Variants in ADAMTS19 observed in about 807,000 individuals in gnomAD.
ADAMTS19 encodes A disintegrin and metalloproteinase with thrombospondin motifs 19.
ADAMTS19 carries 93 observed loss-of-function variants against 153.3 expected under a neutral mutation model. That is an observed-to-expected ratio of 0.61 (90% CI 0.51 to 0.72). The LOEUF (loss-of-function observed/expected upper bound fraction) is 0.72. ADAMTS19 is among the 30% of genes least tolerant of loss of function. The pLI is 0.00. For missense variants in ADAMTS19, 1,482 were observed against 1,552.1 expected, an observed-to-expected ratio of 0.95 and a Z score of 0.76; for synonymous variants, 600 against 556.6, an observed-to-expected ratio of 1.08 and a Z score of -1.10.
chr5:129,581,708 T>G (rs1181788578), intron 7 of ADAMTS19, among the ~76,000 whole-genome samples: 1 of 152,206 alleles, frequency 6.6e-6, no homozygotes, highest in Non-Finnish European at 1.5e-5. Flanking sequence ...GTGTTGTTGT[T>G]ATAACTTTTC....
chr5:129,629,378 C>T (rs1752190828), intron 10 of ADAMTS19, among the ~76,000 whole-genome samples: 1 of 151,998 alleles, frequency 6.6e-6, no homozygotes, highest in Non-Finnish European at 1.5e-5. Flanking sequence ...TACAAATAAA[C>T]ATCAAGATTT....
At chr5:129,487,611 A>G (rs1424525830) in intron 2 of ADAMTS19, among the ~76,000 whole-genome samples, 1 of 152,072 alleles carries the variant, frequency 6.6e-6, no homozygotes, top group East Asian at 1.9e-4. Context: ...ATGTGTGCTA[A>G]TTAATTAATG....
At position 129,571,336 on chromosome 5, in the gene ADAMTS19, G is replaced by A. The variant is rs181508604; in HGVS notation, c.1372+19429G>A. Among the ~76,000 whole-genome samples the A allele has an allele frequency of 2.9e-4, 44 of 151,682 alleles. No homozygotes were observed. In the East Asian group the frequency reaches 8.1e-3, roughly 28 times the overall value. On this transcript the variant is annotated intron_variant, in intron 7 of 22. Coordinates refer to ENST00000274487, the MANE Select transcript of ADAMTS19 (RefSeq NM_133638.6). ...TGTGTGCATATATGGGTGTTTATGT[G>A]TATATGTGTATGTATATATATGTAT...
chr5:129,608,116 G>GTATATATATATATATATATATAATATA (rs1751013827), intron 8 of ADAMTS19, among the ~76,000 whole-genome samples: 5 of 47,926 alleles, frequency 1.0e-4, no homozygotes, highest in Non-Finnish European at 2.5e-4. Flanking sequence ...GTGTGTGTGT[G>GTATATATATATATATATATATAATATA]TATATATATA....
At chr5:129,730,779 T>A (rs1757407241) in intron 21 of ADAMTS19, among the ~76,000 whole-genome samples, 2 of 152,154 alleles carry the variant, frequency 1.3e-5, no homozygotes, top group African/African-American at 4.8e-5. Context: ...TCATTGTCTT[T>A]AAAGAAAAAT....
chr5:129,654,270 C>T (rs927055698), intron 13 of ADAMTS19, 36 bp from the exon 14 acceptor site: 2 of 1,545,930 alleles, frequency 1.3e-6, no homozygotes, highest in Non-Finnish European at 1.7e-6. Context: ...TATGGGGTAA[C>T]TTTTTCTCAT....
intron 8 of ADAMTS19, among the ~76,000 whole-genome samples, chr5:129,617,792 A>G (rs1187381506): frequency 6.6e-6 from 1 of 151,918 alleles, no homozygotes. Context: ...AATTCTTTTG[A>G]TTGTTATTTT....
intron 7 of ADAMTS19, among the ~76,000 whole-genome samples, chr5:129,588,384 T>C (rs1470396645): frequency 6.6e-6 from 1 of 152,088 alleles, no homozygotes; most frequent in Non-Finnish European, 1.5e-5. Flanking sequence ...TTAGAAAAAG[T>C]TCGATACATG....
chr5:129,465,840 T>C (rs990224236), intron 2 of ADAMTS19, among the ~76,000 whole-genome samples: 4 of 152,140 alleles, frequency 2.6e-5, no homozygotes, highest in Non-Finnish European at 2.9e-5. Flanking sequence ...TCTAAATAAA[T>C]ATAAAGCAGT....
chr5:129,546,305 G>A (rs1581067249), intron 6 of ADAMTS19, among the ~76,000 whole-genome samples: 3 of 150,530 alleles, frequency 2.0e-5, no homozygotes, highest in Middle Eastern at 3.4e-3. Context: ...GTTTGTGGGT[G>A]CAGCGCACCA....
At chr5:129,516,390 T>A (rs1358888784) in intron 3 of ADAMTS19, among the ~76,000 whole-genome samples, 2 of 151,782 alleles carry the variant, frequency 1.3e-5, no homozygotes, top group African/African-American at 4.8e-5. Flanking sequence ...AGTTCTTCCT[T>A]AAATGTTTGA....
At chr5:129,502,012 G>C (rs1024985695) in intron 2 of ADAMTS19, among the ~76,000 whole-genome samples, 1 of 151,982 alleles carries the variant, frequency 6.6e-6, no homozygotes, top group African/African-American at 2.4e-5. Flanking sequence ...GAAGGGTGGC[G>C]GTGGACTATG....
intron 8 of ADAMTS19, among the ~76,000 whole-genome samples, chr5:129,598,380 G>A (rs1750483774): frequency 6.6e-6 from 1 of 152,154 alleles, no homozygotes; most frequent in Admixed American, 6.5e-5. Context: ...GTTGGCAGTG[G>A]AATTTGATTG....
intron 2 of ADAMTS19, among the ~76,000 whole-genome samples, chr5:129,491,120 G>T (rs953165007): frequency 9.9e-5 from 15 of 152,020 alleles, no homozygotes; most frequent in Admixed American, 2.0e-4. Flanking sequence ...TTCTGCCTCA[G>T]CCTCCCAAGT....
intron 2 of ADAMTS19, among the ~76,000 whole-genome samples, chr5:129,504,983 A>G (rs2126717704): frequency 6.6e-6 from 1 of 152,094 alleles, no homozygotes; most frequent in Admixed American, 6.6e-5. Flanking sequence ...TGGTGCAATA[A>G]ACATGAGGGT....
chr5:129,504,930 A>T (rs1751224367), intron 2 of ADAMTS19, among the ~76,000 whole-genome samples: 1 of 151,330 alleles, frequency 6.6e-6, no homozygotes, highest in Non-Finnish European at 1.5e-5. Flanking sequence ...TCATCTGTTA[A>T]TGGACACTTA....
chr5:129,676,301 G>C (rs1286033239), intron 16 of ADAMTS19, among the ~76,000 whole-genome samples: 1 of 152,112 alleles, frequency 6.6e-6, no homozygotes, highest in African/African-American at 2.4e-5. Context: ...TTAACTTCTT[G>C]AGGCTTTTTA....
At chr5:129,724,294 T>C (rs1757118490) in intron 21 of ADAMTS19, among the ~76,000 whole-genome samples, 1 of 152,210 alleles carries the variant, frequency 6.6e-6, no homozygotes, top group African/African-American at 2.4e-5. Context: ...CTATCTGTCA[T>C]ATTCTTATTG....
In ADAMTS19 at chr5:129,665,398, A is replaced by T. The variant is rs1754000388; in HGVS notation, c.2426-101A>T. On this transcript the variant is annotated intron_variant, in intron 15 of 22. Coordinates refer to ENST00000274487, the MANE Select transcript of ADAMTS19 (RefSeq NM_133638.6). ...CTTTACGTAAGTACTGAAATATCAT[A>T]GCAATAACCAAAACCAAAAGGAAAA... 9.7e-6 allele frequency: 9 copies of T among 926,942 alleles called. No homozygotes were observed. The South Asian group carries it at 1.5e-4, about 16-fold the overall frequency. 57.4% of individuals were successfully genotyped at this position (926,942 alleles called of 1,614,324 possible). A position where few individuals can be genotyped will look rare whatever the true frequency, so the allele number is the denominator to read the frequency against.
Sources: allele counts gnomAD v4.1 joint callset (sites outside exome capture counted in the v4.1 genomes callset), GRCh38; gene constraint gnomAD v4.1.1; transcripts MANE v1.5; gene names NCBI Gene and HGNC (gene_info 2026-07-23, HGNC 2026-07-21).